ADD1: variants seen among roughly 807,000 people sequenced by gnomAD.
The protein encoded by ADD1 is adducin 1, also known as alpha-adducin.
A neutral mutation model predicts 80.5 loss-of-function variants in ADD1; 24 were observed. The ratio of observed to expected loss-of-function variants is 0.30; its 90% CI spans 0.22 to 0.42. The LOEUF is 0.42. ADD1 is among the 10% of genes least tolerant of loss of function. The pLI is 1.00. For synonymous variants in ADD1, 373 were observed against 393.8 expected (o/e 0.95, Z 0.63); for missense variants, 948 against 1,019.0 (o/e 0.93, Z 0.95).
chr4:2,889,086 G>T (rs546190992), intron 4 of ADD1, among the ~76,000 whole-genome samples: 1 of 152,260 alleles, frequency 6.6e-6, no homozygotes, highest in East Asian at 1.9e-4. Flanking sequence ...GCTAGGCAAG[G>T]AGATTTTTCC....
chr4:2,899,941 G>A (rs1478848039), intron 9 of ADD1: 3 of 230,986 alleles, frequency 1.3e-5, no homozygotes, highest in African/African-American at 2.3e-5. Context: ...CGGGCTTATG[G>A]GGCCTGCAGC....
chr4:2,856,375 T>A (rs1728065391), intron 1 of ADD1, among the ~76,000 whole-genome samples: 1 of 152,166 alleles, frequency 6.6e-6, no homozygotes, highest in Non-Finnish European at 1.5e-5. Context: ...CTGGCTTCTG[T>A]TAGAATTTTC....
At chr4:2,847,734 A>G (rs1202686557) in intron 1 of ADD1, among the ~76,000 whole-genome samples, 2 of 152,206 alleles carry the variant, frequency 1.3e-5, no homozygotes, top group Non-Finnish European at 2.9e-5. Context: ...ACATCAATCA[A>G]TATATGCTAG....
chr4:2,928,105 C>A (rs1469361821), intron 15 of ADD1, 66 bp from the exon 16 acceptor site: 3 of 1,399,448 alleles, frequency 2.1e-6, no homozygotes, highest in Non-Finnish European at 3.0e-6. Flanking sequence ...GGGGCTCCCC[C>A]ATCTCAAGCT....
chr4:2,867,969 A>G (rs1404118776), intron 1 of ADD1: 1 of 152,222 alleles, frequency 6.6e-6, no homozygotes, highest in African/African-American at 2.4e-5. Context: ...GATTATTTGA[A>G]AGGGGCCTTT....
At position 2,929,679 on chromosome 4, in the gene ADD1, C is replaced by T. The variant is rs1712690767; in HGVS notation, c.*1156C>T. 1 of 152,264 alleles carries T rather than the reference C, an allele frequency of 6.6e-6. No individual in the cohort carries two copies. Among genetic ancestry groups the T allele is most frequent in the South Asian group, 2.1e-4 (1 of 4,836 alleles). 9.4% of individuals were successfully genotyped at this position (152,264 alleles called of 1,614,324 possible). ...GTAGAGCTGGTGCCAGATGTGGGCT[C>T]AGATCCTGGGCATGATGGGCCGAGC... On this transcript the variant is annotated 3_prime_UTR_variant, in exon 16 of 16. Coordinates refer to ENST00000683351, the MANE Select transcript of ADD1 (RefSeq NM_001354761.2).
intron 1 of ADD1, among the ~76,000 whole-genome samples, chr4:2,858,450 A>T (rs987780519): frequency 6.6e-6 from 1 of 152,246 alleles, no homozygotes; most frequent in Non-Finnish European, 1.5e-5. Context: ...GTGAACTGGG[A>T]TCAGAACCTG....
At chr4:2,874,341 T>G (rs570395419) in intron 1 of ADD1, among the ~76,000 whole-genome samples, 1 of 152,336 alleles carries the variant, frequency 6.6e-6, no homozygotes, top group South Asian at 2.1e-4. Flanking sequence ...GGGCGGTGGC[T>G]AACGCCTATA....
At chr4:2,873,096 A>G (rs1366481377) in intron 1 of ADD1, among the ~76,000 whole-genome samples, 1 of 151,792 alleles carries the variant, frequency 6.6e-6, no homozygotes, top group East Asian at 1.9e-4. Flanking sequence ...AGGTTGAAGT[A>G]ATTCTTGTGC....
intron 13 of ADD1, among the ~76,000 whole-genome samples, chr4:2,913,704 C>G (rs186241923): frequency 6.6e-6 from 1 of 151,914 alleles, no homozygotes; most frequent in Non-Finnish European, 1.5e-5. Flanking sequence ...GAGGAGCGGT[C>G]GGCCTGTGTG....
At chr4:2,898,066 G>C in intron 6 of ADD1, 118 bp from the exon 7 acceptor site, 1 of 1,321,640 alleles carries the variant, frequency 7.6e-7, no homozygotes, top group South Asian at 1.5e-5. Context: ...TGATTTTCAA[G>C]AAGAGGACAA....
intron 9 of ADD1, chr4:2,901,812 T>C (rs1577643570): frequency 1.3e-5 from 2 of 151,446 alleles, no homozygotes; most frequent in Admixed American, 1.3e-4. Context: ...TAATATTTCA[T>C]TTGAACTTCT....
chr4:2,922,474 G>C (rs1740216163), intron 14 of ADD1, among the ~76,000 whole-genome samples: 1 of 152,246 alleles, frequency 6.6e-6, no homozygotes, highest in Non-Finnish European at 1.5e-5. Flanking sequence ...AGAGGCTGCA[G>C]AACAGCAAAG....
At position 2,898,477 on chromosome 4, in the gene ADD1, C is replaced by T. The variant is rs780723149; in HGVS notation, c.930C>T (p.Ser310=). 6.2e-6 allele frequency: 10 copies of T among 1,614,150 alleles called. No individual in the cohort carries two copies. The highest frequency in any genetic ancestry group is 2.2e-5 in the East Asian group (1 of 44,886). The change falls in exon 8 of 16, where the codon AGC becomes AGT. Residue 310 remains serine (S), a synonymous_variant. Coordinates refer to ENST00000683351, the MANE Select transcript of ADD1 (RefSeq NM_001354761.2). ...ATGGGCTCGTGTCAGTTGGAGAGAG[C>T]GTTGAGGAGGCCTTCTATTACATCC... ...RNHGLVSVGE[S]VEEAFYYIHN...
chr4:2,871,123 C>G (rs1018930061), intron 1 of ADD1, among the ~76,000 whole-genome samples: 1 of 152,022 alleles, frequency 6.6e-6, no homozygotes, highest in Non-Finnish European at 1.5e-5. Flanking sequence ...TGCGCGCCAC[C>G]ACACCCGGCT....
chr4:2,862,290 A>G (rs2108829833), intron 1 of ADD1, among the ~76,000 whole-genome samples: 1 of 152,366 alleles, frequency 6.6e-6, no homozygotes, highest in Non-Finnish European at 1.5e-5. Context: ...AACTAGCTTC[A>G]CTGAATGGGT....
intron 5 of ADD1, among the ~76,000 whole-genome samples, chr4:2,894,328 A>T (rs1487924257): frequency 6.6e-6 from 1 of 151,904 alleles, no homozygotes; most frequent in Admixed American, 6.6e-5. Context: ...GCAGTGGCTC[A>T]TGCCTGTAAT....
chr4:2,870,312 A>T (rs1730229013), intron 1 of ADD1, among the ~76,000 whole-genome samples: 1 of 152,212 alleles, frequency 6.6e-6, no homozygotes, highest in Non-Finnish European at 1.5e-5. Flanking sequence ...TTCCAGCATA[A>T]CCTTTGTTAT....
chr4:2,845,942 G>A (rs556118965), intron 1 of ADD1, among the ~76,000 whole-genome samples: 1 of 152,102 alleles, frequency 6.6e-6, no homozygotes, highest in Non-Finnish European at 1.5e-5. Context: ...AGAGAGAATA[G>A]TATAAACCCC....
Sources: allele counts gnomAD v4.1 joint callset (sites outside exome capture counted in the v4.1 genomes callset), GRCh38; gene constraint gnomAD v4.1.1; transcripts MANE v1.5; gene names NCBI Gene and HGNC (gene_info 2026-07-23, HGNC 2026-07-21).